The following MED13L variants were observed in gnomAD, a reference collection of about 807,000 sequenced individuals.
MED13L encodes mediator of RNA polymerase II transcription subunit 13-like.
MED13L carries 7 observed loss-of-function variants against 220.9 expected under a neutral mutation model. The observed-to-expected ratio is 0.03, with a 90% confidence interval of 0.02 to 0.06. The LOEUF (loss-of-function observed/expected upper bound fraction) is 0.06, where lower values mean the gene tolerates loss of function less well. Ranked by LOEUF, MED13L falls within the 10% of genes least tolerant of loss-of-function variation. The pLI, the probability that MED13L is intolerant of heterozygous loss-of-function variation, is 1.00. For missense variants in MED13L, 1,965 were observed against 2,760.5 expected (o/e 0.71, Z 6.46); for synonymous variants, 1,011 against 1,015.2 (o/e 1.00, Z 0.08).
intron 4 of MED13L, among the ~76,000 whole-genome samples, chr12:116,053,591 C>CG (rs755654394): frequency 6.6e-6 from 1 of 152,138 alleles, no homozygotes; most frequent in Non-Finnish European, 1.5e-5. Context: ...CACAACAACT[C>CG]TAAGGTAGGC....
intron 2 of MED13L, among the ~76,000 whole-genome samples, chr12:116,236,430 G>A (rs1593195014): frequency 6.6e-6 from 1 of 151,698 alleles, no homozygotes; most frequent in East Asian, 1.9e-4. Context: ...AAGTTGGCAG[G>A]AAATCCTTCA....
intron 2 of MED13L, among the ~76,000 whole-genome samples, chr12:116,139,970 CAAAAAAAAA>C (rs36124478): frequency 7.8e-5 from 5 of 63,902 alleles, no homozygotes; most frequent in African/African-American, 1.3e-4. Flanking sequence ...AACTCCATCT[CAAAAAAAAA>C]AAAAAAAAAA....
chr12:116,033,650 T>G (rs190609265), intron 4 of MED13L, among the ~76,000 whole-genome samples: 76 of 152,284 alleles, frequency 5.0e-4, no homozygotes, highest in Non-Finnish European at 8.5e-4. Flanking sequence ...AGTTTGTGAG[T>G]AGTACAAGAT....
intron 2 of MED13L, among the ~76,000 whole-genome samples, chr12:116,146,411 C>T (rs1046606028): frequency 2.0e-5 from 3 of 151,658 alleles, no homozygotes; most frequent in African/African-American, 7.3e-5. Context: ...TGAGCCACCG[C>T]ACCCAGCTGA....
chr12:116,129,117 A>T (rs1593076898), intron 2 of MED13L, among the ~76,000 whole-genome samples: 2 of 152,168 alleles, frequency 1.3e-5, no homozygotes, highest in African/African-American at 4.8e-5. Context: ...ACCAATTTTT[A>T]AAACAGAATT....
intron 2 of MED13L, among the ~76,000 whole-genome samples, chr12:116,142,074 C>A (rs572568685): frequency 5.9e-5 from 9 of 152,258 alleles, no homozygotes; most frequent in African/African-American, 1.4e-4. Context: ...TCTTTTAGGT[C>A]TCACCTCATA....
chr12:116,196,187 C>A (rs1881615296), intron 2 of MED13L, among the ~76,000 whole-genome samples: 1 of 151,956 alleles, frequency 6.6e-6, no homozygotes, highest in Admixed American at 6.6e-5. Context: ...ATCTAACTTT[C>A]AAGTAGCAAG....
At chr12:116,072,968 T>A (rs1178200667) in intron 4 of MED13L, among the ~76,000 whole-genome samples, 2 of 152,218 alleles carry the variant, frequency 1.3e-5, no homozygotes, top group African/African-American at 2.4e-5. Context: ...GGAATTTGAA[T>A]TAAAACTTTA....
chr12:116,078,148 A>G (rs1186248976), intron 4 of MED13L, among the ~76,000 whole-genome samples: 1 of 151,624 alleles, frequency 6.6e-6, no homozygotes, highest in Non-Finnish European at 1.5e-5. Flanking sequence ...TCTCAAAAAA[A>G]AAAAAAAAAA....
chr12:116,138,181 T>C (rs934125725), intron 2 of MED13L, among the ~76,000 whole-genome samples: 9 of 152,228 alleles, frequency 5.9e-5, no homozygotes, highest in African/African-American at 2.2e-4. Context: ...AAACCCATTA[T>C]TTCAATTCTA....
At chr12:116,239,809 C>T (rs887792069) in intron 1 of MED13L, among the ~76,000 whole-genome samples, 3 of 152,166 alleles carry the variant, frequency 2.0e-5, no homozygotes, top group Non-Finnish European at 2.9e-5. Context: ...TTTAAAATAT[C>T]GGCCAATTGA....
intron 1 of MED13L, among the ~76,000 whole-genome samples, chr12:116,275,386 T>C (rs926695679): frequency 1.3e-5 from 2 of 152,194 alleles, no homozygotes; most frequent in South Asian, 4.1e-4. Context: ...TAAGATTAAA[T>C]ATCTGGATTA....
chr12:116,057,588 A>C (rs969354817), intron 4 of MED13L, among the ~76,000 whole-genome samples: 3 of 150,544 alleles, frequency 2.0e-5, no homozygotes, highest in African/African-American at 7.4e-5. Flanking sequence ...AGATGCTGTG[A>C]CTCATCGCCT....
chr12:116,079,411 A>AGG (rs199911644), intron 4 of MED13L, among the ~76,000 whole-genome samples: 1 of 151,516 alleles, frequency 6.6e-6, no homozygotes, highest in African/African-American at 2.4e-5. Flanking sequence ...GAGATGGGGG[A>AGG]GGGGGGGTCT....
intron 2 of MED13L, among the ~76,000 whole-genome samples, chr12:116,167,034 A>G (rs1879330949): frequency 6.6e-6 from 1 of 152,162 alleles, no homozygotes; most frequent in Non-Finnish European, 1.5e-5. Context: ...ATGACCCCAT[A>G]AATTTATATC....
intron 2 of MED13L, among the ~76,000 whole-genome samples, chr12:116,230,107 T>C (rs1869407618): frequency 6.6e-6 from 1 of 152,064 alleles, no homozygotes. Context: ...TAATGACAAA[T>C]ATGAAAGGTA....
intron 2 of MED13L, among the ~76,000 whole-genome samples, chr12:116,190,705 A>C (rs1304742545): frequency 6.6e-6 from 1 of 152,222 alleles, no homozygotes; most frequent in Non-Finnish European, 1.5e-5. Flanking sequence ...GTGATGTACA[A>C]GTACTTTTTT....
chr12:116,081,394 T>G (rs965389066), intron 4 of MED13L, among the ~76,000 whole-genome samples: 1 of 152,222 alleles, frequency 6.6e-6, no homozygotes, highest in African/African-American at 2.4e-5. Flanking sequence ...TAGAAATAAC[T>G]ATTTTTAAAA....
chr12:116,233,296 A>G (rs1869757602), intron 2 of MED13L, among the ~76,000 whole-genome samples: 1 of 152,174 alleles, frequency 6.6e-6, no homozygotes, highest in Non-Finnish European at 1.5e-5. Context: ...ATACATCTGT[A>G]TCCTGAACAG....
Sources: gnomAD v4.1 joint callset for allele counts (sites outside exome capture counted in the v4.1 genomes callset) on GRCh38, gnomAD v4.1.1 for gene constraint, MANE v1.5 for transcripts, NCBI Gene and HGNC (gene_info 2026-07-23, HGNC 2026-07-21) for gene names.